The following ABAT variants were observed in gnomAD, a reference collection of about 807,000 sequenced individuals.
The protein encoded by ABAT is 4-aminobutyrate aminotransferase, also known as 4-aminobutyrate aminotransferase, mitochondrial.
A neutral mutation model predicts 64.6 loss-of-function variants in ABAT; 45 were observed. That is an observed-to-expected ratio of 0.70 (90% CI 0.55 to 0.89). The LOEUF is 0.89. Ranked by LOEUF, ABAT falls within the 40% of genes least tolerant of loss-of-function variation. The pLI, the probability that ABAT is intolerant of heterozygous loss-of-function variation, is 0.00. For synonymous variants in ABAT, 297 were observed against 250.5 expected (o/e 1.19, Z -1.75); for missense variants, 633 against 658.4 (o/e 0.96, Z 0.42).
At chr16:8,691,704 GT>G (rs35724649) in intron 1 of ABAT, among the ~76,000 whole-genome samples, 58,763 of 151,966 alleles carry the variant, frequency 0.39, 11,676 homozygotes, top group East Asian at 0.62. Context: ...GCCTCACAAA[GT>G]GCTGGGATTA....
intron 9 of ABAT, 72 bp downstream of exon 9, chr16:8,766,342 G>A: frequency 6.8e-7 from 1 of 1,468,948 alleles, no homozygotes; most frequent in Non-Finnish European, 9.5e-7. Flanking sequence ...GTTGCTGGCT[G>A]GCTGGCACTG....
intron 1 of ABAT, among the ~76,000 whole-genome samples, chr16:8,714,328 C>A (rs1243382592): frequency 1.3e-5 from 2 of 152,148 alleles, no homozygotes; most frequent in Non-Finnish European, 2.9e-5. Flanking sequence ...ACACACACAC[C>A]CCTTTCTCTT....
At chr16:8,738,013 A>AAAGAAAGAAAGG (rs1268824206) in intron 2 of ABAT, among the ~76,000 whole-genome samples, 2 of 111,916 alleles carry the variant, frequency 1.8e-5, no homozygotes, top group Non-Finnish European at 3.6e-5. Flanking sequence ...AGAAAGAAAG[A>AAAGAAAGAAAGG]AAGGAAAGAA....
chr16:8,706,195 A>T (rs2057936997), intron 1 of ABAT, among the ~76,000 whole-genome samples: 1 of 150,558 alleles, frequency 6.6e-6, no homozygotes. Context: ...ATCACTTGAG[A>T]CCAGTCTGGG....
intron 3 of ABAT, among the ~76,000 whole-genome samples, chr16:8,747,894 CCTGT>C (rs960371377): frequency 9.2e-5 from 14 of 152,088 alleles, no homozygotes; most frequent in Non-Finnish European, 8.8e-5. Flanking sequence ...GAATTTCCAG[CCTGT>C]CTATCGTACT....
Position 8,776,329 on chromosome 16 carries a change from C to A in ABAT, c.1123-15C>A, listed in dbSNP as rs376574278. The A allele has an allele frequency of 6.2e-7, 1 of 1,614,144 alleles. No individual in the cohort carries two copies. Among genetic ancestry groups the A allele is most frequent in the Non-Finnish European group, 8.5e-7 (1 of 1,180,028 alleles). Reference sequence around the variant, plus strand: ...CATGTGTGTGAAGCCTTCCAACACCCGTTCCTCATTCCAGCCCTACCGGAT... The same window carrying A: ...CATGTGTGTGAAGCCTTCCAACACCAGTTCCTCATTCCAGCCCTACCGGAT... On this transcript the variant is annotated splice_polypyrimidine_tract_variant and intron_variant, in intron 13 of 15. Coordinates refer to ENST00000268251, the MANE Select transcript of ABAT (RefSeq NM_020686.6). This position sits in a 1 kb window ranked among gnomAD's most constrained non-coding sequence, Gnocchi z 4.4.
Position 8,677,516 on chromosome 16 carries a change from GAA to G in ABAT, c.-42+2808_-42+2809del, listed in dbSNP as rs2057231893. On this transcript the variant is annotated intron_variant, in intron 1 of 15. Transcript: ENST00000268251. ...TGAGGTTTGTTGGGGTTGGACATCA[GAA>G]AAGAGACAGGTCTAGATGAGGGGTT... is the stretch of plus-strand genomic sequence containing the variant. 3.3e-5 allele frequency among the ~76,000 whole-genome samples: 5 copies of G among 152,304 alleles called. No homozygotes were observed. In the South Asian group the frequency reaches 1.0e-3, roughly 32 times the overall value.
intron 1 of ABAT, chr16:8,713,815 A>T: frequency 2.2e-6 from 1 of 455,540 alleles, no homozygotes. Flanking sequence ...TACAGAAGGC[A>T]TTTTAAGCAA....
chr16:8,774,240 A>G (rs1403085207), intron 12 of ABAT, among the ~76,000 whole-genome samples: 1 of 152,056 alleles, frequency 6.6e-6, no homozygotes, highest in African/African-American at 2.4e-5. Flanking sequence ...CCGAGTGTGT[A>G]TATGTACCAT....
At chr16:8,709,046 C>T (rs1166996974) in intron 1 of ABAT, among the ~76,000 whole-genome samples, 1 of 152,040 alleles carries the variant, frequency 6.6e-6, no homozygotes, top group African/African-American at 2.4e-5. Flanking sequence ...AACACACATC[C>T]GATTTTGAAG....
In ABAT at chr16:8,776,154, G is replaced by A. The variant is rs1990574; in HGVS notation, c.1123-190G>A. Among the ~76,000 whole-genome samples, 2,061 of 152,274 alleles carry A rather than the reference G, an allele frequency of 0.014. 41 individuals carry two copies. The highest frequency in any genetic ancestry group is 0.047 in the South Asian group (226 of 4,830). On this transcript the variant is annotated intron_variant, in intron 13 of 15. Coordinates refer to ENST00000268251, the MANE Select transcript of ABAT (RefSeq NM_020686.6). This position sits in a 1 kb window ranked among gnomAD's most constrained non-coding sequence, Gnocchi z 4.4. ...TTGGAAGAATTCAGCAAGATTGGGT[G>A]TGTTCTCCTGCTAGCCTCTGGTAGA...
At chr16:8,731,058 G>A (rs953201247) in intron 1 of ABAT, among the ~76,000 whole-genome samples, 16 of 152,242 alleles carry the variant, frequency 1.1e-4, no homozygotes, top group Admixed American at 7.8e-4. Context: ...CGCCTCCCAG[G>A]TTCAAGCGAT....
At chr16:8,770,721 G>A (rs1450909006) in intron 11 of ABAT, among the ~76,000 whole-genome samples, 1 of 152,236 alleles carries the variant, frequency 6.6e-6, no homozygotes, top group East Asian at 1.9e-4. Flanking sequence ...GATTACAGGT[G>A]TGAGCCACCG....
chr16:8,738,111 AG>A (rs2059036421), intron 2 of ABAT, among the ~76,000 whole-genome samples: 1 of 151,456 alleles, frequency 6.6e-6, no homozygotes. Context: ...GCTTGAGCCC[AG>A]GGGTTTGAGA....
Position 8,784,474 on chromosome 16 carries a change from CAT to C in ABAT, c.*3045_*3046del, listed in dbSNP as rs1200065229. 6.6e-6 allele frequency: 1 copy of C among 152,434 alleles called. No homozygotes were observed. Among genetic ancestry groups the C allele is most frequent in the African/African-American group, 2.4e-5 (1 of 41,412 alleles). The allele number at this position is 152,434 out of a possible 1,614,324, so 9.4% of individuals were successfully genotyped here. On this transcript the variant is annotated 3_prime_UTR_variant, in exon 16 of 16. Coordinates refer to ENST00000268251, the MANE Select transcript of ABAT (RefSeq NM_020686.6). ...CAATAAATGATAAAAAAAAAATTAA[CAT>C]GTCACAATGTAACGGATGACCATAT...
intron 1 of ABAT, among the ~76,000 whole-genome samples, chr16:8,698,891 A>G (rs1163596575): frequency 1.3e-5 from 2 of 152,182 alleles, no homozygotes; most frequent in Non-Finnish European, 2.9e-5. Context: ...GGTTGAAGTG[A>G]GCCAAGATTG....
chr16:8,681,901 C>G (rs2057342410), intron 1 of ABAT, among the ~76,000 whole-genome samples: 1 of 152,056 alleles, frequency 6.6e-6, no homozygotes, highest in Non-Finnish European at 1.5e-5. Flanking sequence ...CTCGGCCTCC[C>G]AAAGTGCTGG....
chr16:8,730,282 C>A (rs549525476), intron 1 of ABAT, among the ~76,000 whole-genome samples: 1 of 152,106 alleles, frequency 6.6e-6, no homozygotes, highest in Admixed American at 6.5e-5. Flanking sequence ...CATGAATGTT[C>A]GTAGCACAAA....
intron 1 of ABAT, among the ~76,000 whole-genome samples, chr16:8,699,233 G>T (rs1254208603): frequency 6.6e-6 from 1 of 152,214 alleles, no homozygotes; most frequent in Non-Finnish European, 1.5e-5. Context: ...AAGAGATTGG[G>T]GAGGGGAGAT....
Sources: gnomAD v4.1 joint callset for allele counts (sites outside exome capture counted in the v4.1 genomes callset) on GRCh38, gnomAD v4.1.1 for gene constraint, Gnocchi (gnomAD v3.1) non-coding constraint, MANE v1.5 for transcripts, NCBI Gene and HGNC (gene_info 2026-07-23, HGNC 2026-07-21) for gene names.